The following YTHDC2 variants were observed in gnomAD, a reference collection of about 807,000 sequenced individuals.
YTHDC2 encodes the protein 3'-5' RNA helicase YTHDC2.
In YTHDC2, 45 loss-of-function variants were observed where a neutral mutation model predicts 174.9. The observed-to-expected ratio is 0.26, with a 90% CI of 0.20 to 0.33. The LOEUF is 0.33. Among genes scored for constraint, YTHDC2 ranks in the 10% least tolerant of loss-of-function variants. The pLI is 1.00. For synonymous variants in YTHDC2, 657 were observed against 574.5 expected (o/e 1.14, Z -2.05); for missense variants, 1,650 against 1,723.7 (o/e 0.96, Z 0.76).
chr5:113,553,221 G>A lies in YTHDC2; in HGVS notation c.1729G>A (p.Val577Ile). Residue 577 changes from valine (V) to isoleucine (I), a missense_variant, in exon 13 of 30, where the codon GTT (valine) becomes ATT (isoleucine). Val to Ile is a conservative substitution (Grantham distance 29, BLOSUM62 3). Coordinates refer to ENST00000161863, the MANE Select transcript of YTHDC2 (RefSeq NM_022828.5). ...EFGNLDESSL[V>I]QTNGSDLSAE... ...TGGAAATCTAGATGAAAGTTCTCTGGTTCAAACAAATGGAAGTGACCTCAG... is the reference window on the plus strand; with the variant it reads ...TGGAAATCTAGATGAAAGTTCTCTGATTCAAACAAATGGAAGTGACCTCAG... 2 of 1,565,532 alleles carry A rather than the reference G, an allele frequency of 1.3e-6. No homozygotes were observed. The highest frequency in any genetic ancestry group is 1.7e-6 in the Non-Finnish European group (2 of 1,158,394).
chr5:113,543,467 C>G (rs1323463966), intron 10 of YTHDC2, among the ~76,000 whole-genome samples: 1 of 152,176 alleles, frequency 6.6e-6, no homozygotes, highest in Admixed American at 6.5e-5. Flanking sequence ...CTGTACATTT[C>G]ACTCCCCCTA....
At chr5:113,520,958 A>G (rs564557402) in intron 2 of YTHDC2, among the ~76,000 whole-genome samples, 98 of 152,204 alleles carry the variant, frequency 6.4e-4, no homozygotes, top group Admixed American at 1.2e-3. Context: ...GTTCACCTCT[A>G]TGTGTCCATG....
chr5:113,571,900 T>C (rs1345928481), intron 23 of YTHDC2, among the ~76,000 whole-genome samples: 1 of 152,200 alleles, frequency 6.6e-6, no homozygotes, highest in African/African-American at 2.4e-5. Context: ...GTCTGTTTTA[T>C]TGATTTTTAA....
chr5:113,541,190 T>C (rs1775432401), intron 9 of YTHDC2, 74 bp downstream of exon 9: 1 of 1,500,690 alleles, frequency 6.7e-7, no homozygotes, highest in South Asian at 1.2e-5. Flanking sequence ...TATGAGCTTA[T>C]AATTTTTTTT....
At chr5:113,544,622 G>A (rs1775725241) in intron 10 of YTHDC2, among the ~76,000 whole-genome samples, 1 of 151,944 alleles carries the variant, frequency 6.6e-6, no homozygotes, top group Non-Finnish European at 1.5e-5. Flanking sequence ...TGCTTCTGGA[G>A]TGAACATATG....
chr5:113,563,791 T>A, intron 19 of YTHDC2, 68 bp from the exon 20 acceptor site: 1 of 1,535,694 alleles, frequency 6.5e-7, no homozygotes, highest in Non-Finnish European at 8.9e-7. Context: ...CATTTAGGGG[T>A]TTTTAATTAT....
intron 2 of YTHDC2, among the ~76,000 whole-genome samples, chr5:113,519,559 T>C (rs750389471): frequency 1.1e-4 from 16 of 152,220 alleles, no homozygotes; most frequent in Non-Finnish European, 1.9e-4. Flanking sequence ...TACAAGTTTC[T>C]TCTGTGACTG....
intron 1 of YTHDC2, among the ~76,000 whole-genome samples, chr5:113,514,609 A>G (rs1773272827): frequency 6.6e-6 from 1 of 152,198 alleles, no homozygotes; most frequent in Non-Finnish European, 1.5e-5. Context: ...CATATAATGC[A>G]GAACCAGCAA....
At chr5:113,530,513 A>G (rs1774582152) in intron 4 of YTHDC2, among the ~76,000 whole-genome samples, 1 of 152,142 alleles carries the variant, frequency 6.6e-6, no homozygotes, top group Non-Finnish European at 1.5e-5. Flanking sequence ...ATACCACCTT[A>G]CAGGTAGTGC....
intron 26 of YTHDC2, among the ~76,000 whole-genome samples, chr5:113,589,221 C>T (rs1006197179): frequency 6.6e-6 from 1 of 151,152 alleles, no homozygotes; most frequent in African/African-American, 2.4e-5. Context: ...CACAGGTCAC[C>T]GATGTTCTCT....
At chr5:113,518,051 G>A (rs1343356895) in intron 2 of YTHDC2, among the ~76,000 whole-genome samples, 3 of 151,908 alleles carry the variant, frequency 2.0e-5, no homozygotes, top group Non-Finnish European at 2.9e-5. Flanking sequence ...ACCACGCCCG[G>A]CTAATTTTTT....
At chr5:113,591,932 AAATT>A (rs1779024457) in intron 27 of YTHDC2, 60 bp from the exon 28 acceptor site, 3 of 1,233,142 alleles carry the variant, frequency 2.4e-6, no homozygotes, top group African/African-American at 1.6e-5. Flanking sequence ...CTTCTCAGAT[AAATT>A]AAATTTAGAC....
intron 17 of YTHDC2, among the ~76,000 whole-genome samples, chr5:113,559,534 A>G (rs866374381): frequency 2.0e-5 from 3 of 152,236 alleles, no homozygotes; most frequent in African/African-American, 4.8e-5. Flanking sequence ...GTCCATGTCA[A>G]TTTGTGAGGA....
In YTHDC2 at chr5:113,542,472, C is replaced by T; in HGVS notation, c.1464C>T (p.Val488=). 1 of 1,606,862 alleles carries T rather than the reference C, an allele frequency of 6.2e-7. No individual in the cohort carries two copies. Among genetic ancestry groups the T allele is most frequent in the South Asian group, 1.1e-5 (1 of 88,250 alleles). The part of the protein sequence containing the change: ...LHKDIDAFAQ[V]FHLILTENVS... ...AAGATATTGATGCCTTTGCTCAGGT[C>T]TTTCATCTCATTTTAACTGAAAATG... The change falls in exon 10 of 30, where the codon GTC becomes GTT. Residue 488 remains valine (V), a synonymous_variant. Coordinates refer to ENST00000161863, the MANE Select transcript of YTHDC2 (RefSeq NM_022828.5).
intron 9 of YTHDC2, 48 bp downstream of exon 9, chr5:113,541,164 A>G (rs532848653): frequency 7.0e-6 from 11 of 1,581,776 alleles, no homozygotes; most frequent in South Asian, 6.7e-5. Flanking sequence ...AAAATTGTGT[A>G]GGTTAAAGAA....
chr5:113,522,125 GT>G (rs1171090577), intron 2 of YTHDC2, among the ~76,000 whole-genome samples: 1 of 100,746 alleles, frequency 9.9e-6, no homozygotes, highest in East Asian at 2.9e-4. Flanking sequence ...ATGAATGCCT[GT>G]TTTTTTTGTT....
Position 113,567,216 on chromosome 5 carries a change from G to A in YTHDC2, c.2967G>A (p.Glu989=). 1 of 1,613,744 alleles carries A rather than the reference G, an allele frequency of 6.2e-7. No individual in the cohort carries two copies. The highest frequency in any genetic ancestry group is 8.5e-7 in the Non-Finnish European group (1 of 1,179,880). ...MYPNLVHVDR[E]NLVLTGPKEK... ...CTAATTTAGTCCACGTGGACAGAGA[G>A]AATCTAGTGTTGACAGGGCCAAAGG... Residue 989 remains glutamate, a synonymous_variant, in exon 22 of 30, where the codon GAG becomes GAA. Coordinates refer to ENST00000161863, the MANE Select transcript of YTHDC2 (RefSeq NM_022828.5).
chr5:113,569,610 T>G (rs1373786181), intron 23 of YTHDC2, among the ~76,000 whole-genome samples: 2 of 152,178 alleles, frequency 1.3e-5, no homozygotes, highest in Non-Finnish European at 2.9e-5. Context: ...AGTCCTTTCC[T>G]CATTGCTTGT....
At chr5:113,589,345 GT>G (rs1778863835) in intron 26 of YTHDC2, among the ~76,000 whole-genome samples, 1 of 139,314 alleles carries the variant, frequency 7.2e-6, no homozygotes, top group Non-Finnish European at 1.5e-5. Context: ...CTTCTAATGT[GT>G]TTTTAAAGGC....
Sources: allele counts gnomAD v4.1 joint callset (sites outside exome capture counted in the v4.1 genomes callset), GRCh38; gene constraint gnomAD v4.1.1; transcripts MANE v1.5; gene names NCBI Gene and HGNC (gene_info 2026-07-23, HGNC 2026-07-21).